CDC42BPA: variants seen among roughly 807,000 people sequenced by gnomAD.
CDC42BPA encodes the protein CDC42 binding protein kinase alpha.
CDC42BPA carries 80 observed loss-of-function variants against 223.5 expected under a neutral mutation model. The ratio of observed to expected loss-of-function variants is 0.36; its 90% CI spans 0.30 to 0.43. The LOEUF (loss-of-function observed/expected upper bound fraction) is 0.43. Ranked by LOEUF, CDC42BPA falls within the 20% of genes least tolerant of loss-of-function variation. CDC42BPA has a pLI of 1.00. For synonymous variants in CDC42BPA, 694 were observed against 718.6 expected (o/e 0.97, Z 0.55); for missense variants, 1,743 against 2,099.9 (o/e 0.83, Z 3.32).
At chr1:227,304,621 C>T (rs1036857920) in intron 1 of CDC42BPA, among the ~76,000 whole-genome samples, 13 of 152,166 alleles carry the variant, frequency 8.5e-5, no homozygotes, top group African/African-American at 3.1e-4. Context: ...ACAAGTATAA[C>T]GGCATAATTC....
intron 1 of CDC42BPA, among the ~76,000 whole-genome samples, chr1:227,297,985 T>C (rs567794087): frequency 0.072 from 8,370 of 115,644 alleles, 271 homozygotes; most frequent in Non-Finnish European, 0.086. Context: ...CACACACATA[T>C]ATACATATAT....
chr1:227,293,389 C>T (rs11805679), intron 1 of CDC42BPA, among the ~76,000 whole-genome samples: 23,958 of 152,014 alleles, frequency 0.16, 2,175 homozygotes, highest in East Asian at 0.37. Context: ...ACTAAATCCT[C>T]AAGCTTACAG....
chr1:227,243,379 G>A (rs1226637221), intron 2 of CDC42BPA, among the ~76,000 whole-genome samples: 2 of 147,660 alleles, frequency 1.4e-5, no homozygotes, highest in Non-Finnish European at 3.0e-5. Context: ...TTAATAAGTG[G>A]CACACATAGG....
intron 2 of CDC42BPA, among the ~76,000 whole-genome samples, chr1:227,253,626 ACATACATACATACATACATACATT>A (rs1264897753): frequency 6.6e-6 from 1 of 150,774 alleles, no homozygotes; most frequent in Non-Finnish European, 1.5e-5. Flanking sequence ...ATACATACAT[ACATACATACATACATACATACATT>A]CATACATAAA....
chr1:227,297,544 T>C (rs1402864841), intron 1 of CDC42BPA, among the ~76,000 whole-genome samples: 9 of 152,084 alleles, frequency 5.9e-5, no homozygotes, highest in Admixed American at 5.9e-4. Flanking sequence ...CAAGTATCCA[T>C]CAACAAATGA....
chr1:227,142,199 T>A (rs1001997301), intron 9 of CDC42BPA, among the ~76,000 whole-genome samples: 16 of 152,076 alleles, frequency 1.1e-4, no homozygotes, highest in African/African-American at 3.1e-4. Context: ...TATAACAGAA[T>A]GAGAGACAGT....
chr1:227,256,989 A>ACACACACACACACACACACACACACACC (rs781287283), intron 1 of CDC42BPA, among the ~76,000 whole-genome samples: 15 of 146,602 alleles, frequency 1.0e-4, no homozygotes, highest in African/African-American at 3.5e-4. Context: ...ACACACACAC[A>ACACACACACACACACACACACACACACC]CCAGTATGTT....
chr1:227,265,820 TA>T (rs1684902949), intron 1 of CDC42BPA, among the ~76,000 whole-genome samples: 1 of 152,156 alleles, frequency 6.6e-6, no homozygotes, highest in Non-Finnish European at 1.5e-5. Flanking sequence ...AATGTATTTT[TA>T]AAAACTGATG....
At chr1:227,125,238 A>G (rs1050210395) in intron 11 of CDC42BPA, among the ~76,000 whole-genome samples, 2 of 152,108 alleles carry the variant, frequency 1.3e-5, no homozygotes, top group African/African-American at 4.8e-5. Flanking sequence ...ACCAATGTCA[A>G]CAATGGACAA....
chr1:227,161,291 T>C (rs968692664), intron 5 of CDC42BPA, among the ~76,000 whole-genome samples: 6 of 152,208 alleles, frequency 3.9e-5, no homozygotes, highest in African/African-American at 1.4e-4. Flanking sequence ...TAATCATATA[T>C]AAAATGGTTC....
Position 227,296,504 on chromosome 1 carries a change from G to A in CDC42BPA, c.178+20501C>T, listed in dbSNP as rs139309686. ...GCAGATCACTTGAGGTCAGGAGTTC[G>A]AGACCAGCCTGGCCATAATGGTGAA... On this transcript the variant is annotated intron_variant, in intron 1 of 36. Coordinates refer to ENST00000366766, the MANE Select transcript of CDC42BPA (RefSeq NM_001394014.1). Among the ~76,000 whole-genome samples, 759 of 152,070 alleles carry A rather than the reference G, an allele frequency of 5.0e-3. 2 individuals carry two copies. Among genetic ancestry groups the A allele is most frequent in the Non-Finnish European group, 7.1e-3 (481 of 67,976 alleles).
chr1:227,189,407 T>C (rs1669352916), intron 5 of CDC42BPA, among the ~76,000 whole-genome samples: 1 of 152,216 alleles, frequency 6.6e-6, no homozygotes, highest in Non-Finnish European at 1.5e-5. Flanking sequence ...TATAATAATT[T>C]TAATGCCTCA....
intron 13 of CDC42BPA, 120 bp from the exon 14 acceptor site, chr1:227,112,542 T>G (rs1310336541): frequency 1.1e-6 from 1 of 893,984 alleles, no homozygotes; most frequent in Non-Finnish European, 1.6e-6. Flanking sequence ...AAATCCATAT[T>G]AAATAATATT....
intron 6 of CDC42BPA, 142 bp downstream of exon 6, chr1:227,160,401 T>C (rs943851584): frequency 1.5e-5 from 10 of 650,958 alleles, no homozygotes; most frequent in Non-Finnish European, 2.8e-5. Context: ...CCAAATGCCT[T>C]TGTGGAAGGA....
intron 1 of CDC42BPA, among the ~76,000 whole-genome samples, chr1:227,272,805 A>AC (rs1686180720): frequency 6.6e-6 from 1 of 151,096 alleles, no homozygotes. Context: ...CAGAATAATT[A>AC]TTTTTTTAAT....
chr1:227,217,805 T>C (rs1449616398), intron 2 of CDC42BPA, among the ~76,000 whole-genome samples: 1 of 152,194 alleles, frequency 6.6e-6, no homozygotes, highest in African/African-American at 2.4e-5. Flanking sequence ...GCCTGGAATA[T>C]TCTAGCCCCA....
intron 12 of CDC42BPA, among the ~76,000 whole-genome samples, chr1:227,114,037 G>T (rs372771915): frequency 1.7e-5 from 2 of 121,128 alleles, no homozygotes; most frequent in Non-Finnish European, 3.5e-5. Flanking sequence ...GAAAAGAAAA[G>T]AAGTGAAAAA....
intron 32 of CDC42BPA, among the ~76,000 whole-genome samples, chr1:227,020,845 A>G (rs1303491169): frequency 6.6e-6 from 1 of 152,202 alleles, no homozygotes; most frequent in Non-Finnish European, 1.5e-5. Context: ...TTCCTCATTA[A>G]GTTTAATCAT....
Position 227,074,361 on chromosome 1 carries a change from G to T in CDC42BPA, c.2484C>A (p.Val828=). The T allele has an allele frequency of 6.2e-7, 1 of 1,609,790 alleles. No individual in the cohort carries two copies. Among genetic ancestry groups the T allele is most frequent in the African/African-American group, 1.3e-5 (1 of 74,842 alleles). ...ACCCTCGTGCATCCTTTTCATCGCTGACCCTAGAATATATAAAGACAAAGT... is the reference window on the plus strand; with the variant it reads ...ACCCTCGTGCATCCTTTTCATCGCTTACCCTAGAATATATAAAGACAAAGT... ...EAQITEIIQW[V]SDEKDARGYL... The change falls in exon 18 of 37, where the codon GTC becomes GTA. Residue 828 remains valine, a synonymous_variant. Coordinates refer to ENST00000366766, the MANE Select transcript of CDC42BPA (RefSeq NM_001394014.1).
Sources: gnomAD v4.1 joint callset for allele counts (sites outside exome capture counted in the v4.1 genomes callset) on GRCh38, gnomAD v4.1.1 for gene constraint, MANE v1.5 for transcripts, NCBI Gene and HGNC (gene_info 2026-07-23, HGNC 2026-07-21) for gene names.